TBC1D19: variants seen among roughly 807,000 people sequenced by gnomAD.
TBC1D19 encodes the protein TBC1 domain family, member 19.
In TBC1D19, 60 loss-of-function variants were observed where a neutral mutation model predicts 89.0. The ratio of observed to expected loss-of-function variants is 0.67; its 90% confidence interval spans 0.55 to 0.84. The LOEUF is 0.84. Ranked by LOEUF, TBC1D19 falls within the 40% of genes least tolerant of loss-of-function variation. The pLI is 0.00. For synonymous variants in TBC1D19, 189 were observed against 199.7 expected (o/e 0.95, Z 0.45); for missense variants, 500 against 610.8 (o/e 0.82, Z 1.91).
intron 1 of TBC1D19, among the ~76,000 whole-genome samples, chr4:26,604,154 T>TG: frequency 8.7e-6 from 1 of 114,834 alleles, no homozygotes; most frequent in East Asian, 2.5e-4. Context: ...TTTTCTTTTT[T>TG]TTTTTTTTTT....
Position 26,717,925 on chromosome 4 carries a change from A to G in TBC1D19, c.955-8A>G, listed in dbSNP as rs755610623. 2.9e-5 allele frequency: 47 copies of G among 1,607,894 alleles called. No homozygotes were observed. Among genetic ancestry groups the G allele is most frequent in the Non-Finnish European group, 2.6e-5 (30 of 1,175,650 alleles). On this transcript the variant is annotated splice_polypyrimidine_tract_variant and splice_region_variant and intron_variant, in intron 13 of 20. Transcript: ENST00000264866. Reference sequence around the variant, plus strand: ...TAATTGCTATTTTTTTTCCAATGTTATATTCAGGTATTACTTTGTTTTTCC... The same window carrying G: ...TAATTGCTATTTTTTTTCCAATGTTGTATTCAGGTATTACTTTGTTTTTCC...
chr4:26,754,920 G>C lies in TBC1D19; in HGVS notation c.1554G>C (p.Gln518His), dbSNP rs149066936. 1 of 1,605,314 alleles carries C rather than the reference G, an allele frequency of 6.2e-7. No individual in the cohort carries two copies. The highest frequency in any genetic ancestry group is 8.5e-7 in the Non-Finnish European group (1 of 1,177,256). ...CTTTAAAAGTTATGCCTCTTCTTCA[G>C]ATTTTTCTGTTTGCTACTGTCACCT... is the stretch of plus-strand genomic sequence containing the variant. Reference protein sequence around the residue: ...LSTLKVMPLLQIFLFATVT With the variant: ...LSTLKVMPLLHIFLFATVT The change falls in exon 21 of 21, where the codon CAG becomes CAC. Residue 518 changes from glutamine to histidine, a missense_variant. This residue lies in a region of TBC1D19 where 220 missense variants were observed against 319.1 expected (regional missense o/e 0.69). Transcript: ENST00000264866.
In TBC1D19 at chr4:26,745,878, C is replaced by A. The variant is rs547413936; in HGVS notation, c.1320-2533C>A. ...CTTCAGGCCTAGATGGCTTCACTGG[C>A]AAATTCTACCAAGCACTCCAGGAAG... is the stretch of plus-strand genomic sequence containing the variant. On this transcript the variant is annotated intron_variant, in intron 18 of 20. Transcript: ENST00000264866. Among the ~76,000 whole-genome samples, 9 of 152,164 alleles carry A rather than the reference C, an allele frequency of 5.9e-5. No individual in the cohort carries two copies. The East Asian group carries it at 1.7e-3, about 29-fold the overall frequency.
At chr4:26,584,924 C>T in intron 1 of TBC1D19, 1 of 195,798 alleles carries the variant, frequency 5.1e-6, no homozygotes, top group Non-Finnish European at 1.1e-5. Flanking sequence ...TGCTTTCTGG[C>T]ATTAACACAG....
chr4:26,800,340 A>G, the TBC1D19 span, among the ~76,000 whole-genome samples: 1 of 152,156 alleles, frequency 6.6e-6, no homozygotes, highest in South Asian at 2.1e-4. Context: ...TGAACTCATC[A>G]TTTTTTATGG....
chr4:26,587,713 G>T (rs1286284757), intron 1 of TBC1D19, among the ~76,000 whole-genome samples: 1 of 150,636 alleles, frequency 6.6e-6, no homozygotes, highest in African/African-American at 2.4e-5. Context: ...AATTTATGTA[G>T]AATTAATATT....
the TBC1D19 span, among the ~76,000 whole-genome samples, chr4:26,849,924 T>C: frequency 0.039 from 5,900 of 152,272 alleles, 255 homozygotes; most frequent in African/African-American, 0.1. Context: ...TTTTTAGGGA[T>C]TGTACTTAGA....
At chr4:26,769,160 ATGT>A in the TBC1D19 span, among the ~76,000 whole-genome samples, 10 of 152,140 alleles carry the variant, frequency 6.6e-5, no homozygotes, top group Non-Finnish European at 1.5e-4. Flanking sequence ...TGGAAGAAAA[ATGT>A]TGTCAATCTA....
At chr4:26,600,083 C>T (rs1183521696) in intron 1 of TBC1D19, among the ~76,000 whole-genome samples, 1 of 151,714 alleles carries the variant, frequency 6.6e-6, no homozygotes, top group African/African-American at 2.4e-5. Flanking sequence ...TTGTGTAATA[C>T]CCCAAATGTT....
intron 13 of TBC1D19, 66 bp from the exon 14 acceptor site, chr4:26,717,866 GA>G: frequency 7.5e-7 from 1 of 1,325,712 alleles, no homozygotes; most frequent in East Asian, 2.3e-5. Flanking sequence ...TCCTGAGTAG[GA>G]AATAATGAAT....
intron 1 of TBC1D19, among the ~76,000 whole-genome samples, chr4:26,604,722 T>TA (rs902016742): frequency 1.3e-5 from 2 of 148,616 alleles, no homozygotes; most frequent in Admixed American, 6.7e-5. Flanking sequence ...AAAAATACAT[T>TA]AAAAAAAAAT....
At chr4:26,748,261 C>G in intron 18 of TBC1D19, 150 bp from the exon 19 acceptor site, 1 of 607,748 alleles carries the variant, frequency 1.6e-6, no homozygotes, top group Non-Finnish European at 2.9e-6. Flanking sequence ...CACCACTGCA[C>G]TCTTGCAGCT....
the TBC1D19 span, among the ~76,000 whole-genome samples, chr4:26,766,705 A>G: frequency 1.3e-5 from 2 of 152,200 alleles, no homozygotes; most frequent in South Asian, 2.1e-4. Flanking sequence ...TTTACCAGGC[A>G]TGCACTTGAA....
chr4:26,803,000 A>G, the TBC1D19 span, among the ~76,000 whole-genome samples: 10,512 of 152,234 alleles, frequency 0.069, 1,047 homozygotes, highest in African/African-American at 0.22. Context: ...TAAGGACGCT[A>G]ATCCCATTTA....
intron 3 of TBC1D19, among the ~76,000 whole-genome samples, chr4:26,617,106 A>C: frequency 6.6e-6 from 1 of 152,206 alleles, no homozygotes; most frequent in East Asian, 1.9e-4. Context: ...TTATTGGCTC[A>C]CAGTTCTGGA....
chr4:26,682,635 G>A (rs1310545570), intron 11 of TBC1D19, among the ~76,000 whole-genome samples: 1 of 152,140 alleles, frequency 6.6e-6, no homozygotes. Context: ...GTGCCTGAGA[G>A]GTGAAAGGAG....
At chr4:26,583,736 A>G (rs1280177227), upstream of TBC1D19, among the ~76,000 whole-genome samples, 1 of 152,206 alleles carries the variant, frequency 6.6e-6, no homozygotes, top group Non-Finnish European at 1.5e-5. Context: ...TTACGCAGGT[A>G]GTGTCAGAGC....
intron 15 of TBC1D19, among the ~76,000 whole-genome samples, chr4:26,734,962 G>GTATATATGTATACACATATGTATATA (rs1293155823): frequency 6.7e-6 from 1 of 149,642 alleles, no homozygotes; most frequent in Non-Finnish European, 1.5e-5. Context: ...ATATGTATAT[G>GTATATATGTATACACATATGTATATA]TATATATGTA....
chr4:26,805,886 T>C, the TBC1D19 span, among the ~76,000 whole-genome samples: 1 of 152,118 alleles, frequency 6.6e-6, no homozygotes, highest in Non-Finnish European at 1.5e-5. Context: ...GAAAATCGGT[T>C]GAACCTGGGA....
Sources: gnomAD v4.1 joint callset for allele counts (sites outside exome capture counted in the v4.1 genomes callset) on GRCh38, gnomAD v4.1.1 for gene constraint, gnomAD v4.1.1 regional missense constraint, MANE v1.5 for transcripts, NCBI Gene and HGNC (gene_info 2026-07-23, HGNC 2026-07-21) for gene names.